Variants in GOLPH3L observed in about 807,000 individuals in gnomAD.
GOLPH3L encodes the protein golgi phosphoprotein 3 like.
In GOLPH3L, 22 loss-of-function variants were observed where a neutral mutation model predicts 30.3. That is an observed-to-expected ratio of 0.73 (90% confidence interval 0.52 to 1.04). The LOEUF (loss-of-function observed/expected upper bound fraction) is 1.04. Ranked by LOEUF, GOLPH3L falls within the 50% of genes least tolerant of loss-of-function variation. The pLI is 0.00. For synonymous variants in GOLPH3L, 120 were observed against 128.2 expected (o/e 0.94, Z 0.43); for missense variants, 303 against 345.8 (o/e 0.88, Z 0.98).
intron 2 of GOLPH3L, among the ~76,000 whole-genome samples, chr1:150,666,072 T>C (rs1345499601): frequency 7.2e-5 from 11 of 152,268 alleles, no homozygotes; most frequent in Middle Eastern, 3.4e-3. Flanking sequence ...TCTTTGGTCC[T>C]TTAAGATCTT....
rs1164266868 is a variant in GOLPH3L, at chr1:150,663,705, A to G, written c.242T>C (p.Ile81Thr). The G allele has an allele frequency of 3.1e-6, 5 of 1,613,688 alleles. No homozygotes were observed. Among genetic ancestry groups the G allele is most frequent in the East Asian group, 2.2e-5 (1 of 44,878 alleles). Residue 81 changes from isoleucine (I) to threonine (T), a missense_variant, in exon 3 of 5, where the codon ATA becomes ACA. Coordinates refer to ENST00000271732, the MANE Select transcript of GOLPH3L (RefSeq NM_018178.6). ...ISSGLRGGIL[I>T]ELAMRGRIYL... Reference sequence around the variant, plus strand: ...GATTCGACCCCGCATGGCCAGCTCTATCAGGATGCCCCCTCGCAGGCCTGA... The same window carrying G: ...GATTCGACCCCGCATGGCCAGCTCTGTCAGGATGCCCCCTCGCAGGCCTGA...
At chr1:150,670,102 A>T (rs891859456) in intron 2 of GOLPH3L, among the ~76,000 whole-genome samples, 1 of 151,876 alleles carries the variant, frequency 6.6e-6, no homozygotes, top group Admixed American at 6.6e-5. Context: ...TTCTACTAAA[A>T]AATATAAAAA....
chr1:150,667,378 A>G (rs1360652556), intron 2 of GOLPH3L, among the ~76,000 whole-genome samples: 1 of 152,120 alleles, frequency 6.6e-6, no homozygotes, highest in East Asian at 1.9e-4. Context: ...ACAATCTTTA[A>G]CATCAAGTGT....
chr1:150,646,753 C>A lies in GOLPH3L; in HGVS notation c.*1568G>T, dbSNP rs1220858048. On this transcript the variant is annotated 3_prime_UTR_variant, in exon 5 of 5. Transcript: ENST00000271732. ...GTCAGGTCTGGGTCATCTGTATTAACCCTTTGACAGTTTGTTGTTCTATAA... is the reference window on the plus strand; with the variant it reads ...GTCAGGTCTGGGTCATCTGTATTAAACCTTTGACAGTTTGTTGTTCTATAA... The A allele has an allele frequency of 1.3e-5, 2 of 152,090 alleles. No homozygotes were observed. The highest frequency in any genetic ancestry group is 4.8e-5 in the African/African-American group (2 of 41,410). The allele number at this position is 152,090 out of a possible 1,614,324, so 9.4% of individuals were successfully genotyped here.
intron 2 of GOLPH3L, 78 bp downstream of exon 2, chr1:150,694,578 T>C (rs1002345881): frequency 2.4e-6 from 2 of 849,492 alleles, no homozygotes; most frequent in African/African-American, 1.7e-5. Context: ...TTATTAAATA[T>C]ATTCCATTAG....
At chr1:150,657,789 A>T (rs1650277221) in intron 4 of GOLPH3L, among the ~76,000 whole-genome samples, 1 of 152,204 alleles carries the variant, frequency 6.6e-6, no homozygotes, top group Non-Finnish European at 1.5e-5. Flanking sequence ...TCTCTCCCTA[A>T]AAGAGCAGTT....
chr1:150,693,441 G>A (rs1010658989), intron 2 of GOLPH3L, among the ~76,000 whole-genome samples: 2 of 152,022 alleles, frequency 1.3e-5, no homozygotes, highest in African/African-American at 4.8e-5. Flanking sequence ...CAAAACTGAG[G>A]CCAGTAATAA....
chr1:150,669,081 G>A (rs1650580565), intron 2 of GOLPH3L, among the ~76,000 whole-genome samples: 1 of 151,958 alleles, frequency 6.6e-6, no homozygotes, highest in Non-Finnish European at 1.5e-5. Flanking sequence ...CTTTCCAAAC[G>A]AGTTTTTAAC....
chr1:150,675,580 G>T (rs587709721), intron 2 of GOLPH3L, among the ~76,000 whole-genome samples: 1 of 151,766 alleles, frequency 6.6e-6, no homozygotes, highest in African/African-American at 2.4e-5. Context: ...AATATTACCA[G>T]CCTGGGCAGC....
intron 2 of GOLPH3L, among the ~76,000 whole-genome samples, chr1:150,670,441 C>T (rs1189333819): frequency 1.3e-5 from 2 of 151,546 alleles, no homozygotes; most frequent in African/African-American, 4.8e-5. Flanking sequence ...ACTAAAAATA[C>T]AAAAAATTAG....
chr1:150,692,382 G>T lies in GOLPH3L; in HGVS notation c.183+2274C>A, dbSNP rs76025237. Among the ~76,000 whole-genome samples the T allele has an allele frequency of 8.0e-3, 1,224 of 152,166 alleles. 9 individuals are homozygous for T. Among genetic ancestry groups the T allele is most frequent in the Non-Finnish European group, 0.011 (733 of 67,994 alleles). On this transcript the variant is annotated intron_variant, in intron 2 of 4. Coordinates refer to ENST00000271732, the MANE Select transcript of GOLPH3L (RefSeq NM_018178.6). ...AGAGCAATTCAAAAGGTGGTTAATT[G>T]TTATGTGCTATTATTTATTATTTTT...
At chr1:150,660,181 T>C (rs1650336694) in intron 4 of GOLPH3L, among the ~76,000 whole-genome samples, 1 of 152,108 alleles carries the variant, frequency 6.6e-6, no homozygotes, top group African/African-American at 2.4e-5. Flanking sequence ...AGGAATGACA[T>C]GAAAACTATT....
At chr1:150,654,303 TC>T (rs1297656210) in intron 4 of GOLPH3L, among the ~76,000 whole-genome samples, 3 of 150,638 alleles carry the variant, frequency 2.0e-5, no homozygotes, top group African/African-American at 7.3e-5. Flanking sequence ...GGTCAGGAGT[TC>T]AAGACCAGCC....
chr1:150,652,423 AAAC>A (rs1388101552), intron 4 of GOLPH3L, among the ~76,000 whole-genome samples: 3 of 150,800 alleles, frequency 2.0e-5, no homozygotes, highest in African/African-American at 7.3e-5. Flanking sequence ...AAAAAAAACA[AAAC>A]AAAAATGAAG....
rs587760600 is a variant in GOLPH3L, at chr1:150,658,377, T to C, written c.430+3437A>G. On this transcript the variant is annotated intron_variant, in intron 4 of 4. Transcript: ENST00000271732. ...CAACAAGGGCTGACACAGAGAACAA[T>C]TATACTCATTGGGCATATTTATCAA... Among the ~76,000 whole-genome samples the C allele has an allele frequency of 3.9e-5, 6 of 152,340 alleles. No individual in the cohort carries two copies. The South Asian group carries it at 1.2e-3, about 32-fold the overall frequency.
At chr1:150,691,381 T>A (rs1011594458) in intron 2 of GOLPH3L, among the ~76,000 whole-genome samples, 4 of 152,010 alleles carry the variant, frequency 2.6e-5, no homozygotes, top group Non-Finnish European at 5.9e-5. Flanking sequence ...CCAGGCATGG[T>A]GGCGGGTGCC....
At chr1:150,670,705 C>G (rs1328034397) in intron 2 of GOLPH3L, among the ~76,000 whole-genome samples, 2 of 152,128 alleles carry the variant, frequency 1.3e-5, no homozygotes, top group South Asian at 4.1e-4. Context: ...GGGTACTTTT[C>G]TAGATTTTTA....
rs930368181 is a variant in GOLPH3L at position 150,647,501 on chromosome 1, A to G, written c.*820T>C. On this transcript the variant is annotated 3_prime_UTR_variant, in exon 5 of 5. Coordinates refer to ENST00000271732, the MANE Select transcript of GOLPH3L (RefSeq NM_018178.6). ...GCAAGACCCTGTCTCAAAAGAAAAA[A>G]AAAAAAAAAGTGGCCTGGGGGAAAC... 2 of 153,144 alleles carry G rather than the reference A, an allele frequency of 1.3e-5. No individual in the cohort carries two copies. Among genetic ancestry groups the G allele is most frequent in the African/African-American group, 2.4e-5 (1 of 41,438 alleles). The allele number at this position is 153,144 out of a possible 1,614,324, so 9.5% of individuals were successfully genotyped here. A position where few individuals can be genotyped will look rare whatever the true frequency, so the allele number is the denominator to read the frequency against.
intron 4 of GOLPH3L, among the ~76,000 whole-genome samples, chr1:150,649,542 G>C (rs1650057423): frequency 6.6e-6 from 1 of 152,314 alleles, no homozygotes; most frequent in African/African-American, 2.4e-5. Flanking sequence ...AAAGCCTCCA[G>C]AAGTTTAACA....
Sources: allele counts gnomAD v4.1 joint callset (sites outside exome capture counted in the v4.1 genomes callset), GRCh38; gene constraint gnomAD v4.1.1; transcripts MANE v1.5; gene names NCBI Gene and HGNC (gene_info 2026-07-23, HGNC 2026-07-21).